The following RYR3 variants were observed in gnomAD, a reference collection of about 807,000 sequenced individuals.
RYR3 encodes the protein brain ryanodine receptor-calcium release channel.
A neutral mutation model predicts 584.3 loss-of-function variants in RYR3; 207 were observed. That is an observed-to-expected ratio of 0.35 (90% CI 0.32 to 0.40). The LOEUF is 0.40. Among genes scored for constraint, RYR3 ranks in the 10% least tolerant of loss-of-function variants. The pLI, the probability that RYR3 is intolerant of heterozygous loss-of-function variation, is 1.00. For synonymous variants in RYR3, 2,416 were observed against 2,248.5 expected, an observed-to-expected ratio of 1.07 and a Z score of -2.11; for missense variants, 5,616 against 6,089.2, an observed-to-expected ratio of 0.92 and a Z score of 2.59.
intron 1 of RYR3, among the ~76,000 whole-genome samples, chr15:33,366,147 C>T (rs1414891902): frequency 6.8e-6 from 1 of 146,614 alleles, no homozygotes; most frequent in East Asian, 2.0e-4. Context: ...CTGTTTTCTC[C>T]TGTTTCTGCA....
intron 38 of RYR3, among the ~76,000 whole-genome samples, chr15:33,684,847 G>C (rs1386873477): frequency 6.6e-6 from 1 of 152,148 alleles, no homozygotes; most frequent in African/African-American, 2.4e-5. Context: ...GCCAAACTAA[G>C]CTTCATAACT....
intron 3 of RYR3, among the ~76,000 whole-genome samples, chr15:33,503,996 A>G (rs1032475123): frequency 2.6e-5 from 4 of 152,128 alleles, no homozygotes; most frequent in Admixed American, 2.0e-4. Context: ...TGTTAAGCCT[A>G]CTCCCCTCTC....
At chr15:33,638,327 C>A (rs1226058597) in intron 27 of RYR3, among the ~76,000 whole-genome samples, 1 of 152,158 alleles carries the variant, frequency 6.6e-6, no homozygotes, top group East Asian at 1.9e-4. Context: ...GCAGTCCCCT[C>A]CCTCTGAGGC....
intron 11 of RYR3, among the ~76,000 whole-genome samples, chr15:33,564,177 C>A (rs930524623): frequency 6.6e-6 from 1 of 152,126 alleles, no homozygotes; most frequent in African/African-American, 2.4e-5. Context: ...TAGGTTCAGC[C>A]AGGGCTTCTG....
chr15:33,483,783 A>G (rs540958949), intron 2 of RYR3, among the ~76,000 whole-genome samples: 38 of 152,270 alleles, frequency 2.5e-4, no homozygotes, highest in African/African-American at 9.1e-4. Flanking sequence ...GGTTTTATTA[A>G]TCTATGGTGG....
chr15:33,421,847 A>G (rs925488090), intron 1 of RYR3, among the ~76,000 whole-genome samples: 2 of 152,208 alleles, frequency 1.3e-5, no homozygotes, highest in African/African-American at 4.8e-5. Flanking sequence ...GTAGAAGCAG[A>G]ACAAAGAAAA....
At chr15:33,469,613 T>C (rs549978518) in intron 1 of RYR3, among the ~76,000 whole-genome samples, 33 of 151,654 alleles carry the variant, frequency 2.2e-4, no homozygotes, top group African/African-American at 7.7e-4. Context: ...TTGGGGAATA[T>C]AAAAGGATAG....
chr15:33,604,762 T>C (rs986474609), intron 18 of RYR3, among the ~76,000 whole-genome samples: 1 of 152,166 alleles, frequency 6.6e-6, no homozygotes, highest in Non-Finnish European at 1.5e-5. Context: ...AGCCACTGAG[T>C]CTGTGGCTAT....
At position 33,700,982 on chromosome 15, in the gene RYR3, C is replaced by G. The variant is rs1359333966; in HGVS notation, c.6385C>G (p.Pro2129Ala). ...LENSSVGLAS[P>A]SMRGSTPLDV... Reference sequence around the variant, plus strand: ...ATTCTCCCCTCCTCCCTCAGCCTCCCCGTCGATGAGGGGATCCACCCCGCT... The same window carrying G: ...ATTCTCCCCTCCTCCCTCAGCCTCCGCGTCGATGAGGGGATCCACCCCGCT... The change falls in exon 42 of 104, where the codon CCG (proline) becomes GCG (alanine). Residue 2129 changes from proline to alanine, a missense_variant. Pro to Ala is a conservative substitution (Grantham distance 27). Coordinates refer to ENST00000634891, the MANE Select transcript of RYR3 (RefSeq NM_001036.6). 1.2e-6 allele frequency: 2 copies of G among 1,611,872 alleles called. No individual in the cohort carries two copies. The highest frequency in any genetic ancestry group is 2.2e-5 in the East Asian group (1 of 44,884).
Position 33,843,557 on chromosome 15 carries a change from A to C in RYR3, c.13279A>C (p.Ile4427Leu). 1 of 1,593,400 alleles carries C rather than the reference A, an allele frequency of 6.3e-7. No homozygotes were observed. The highest frequency in any genetic ancestry group is 8.6e-7 in the Non-Finnish European group (1 of 1,168,666). ...GTTTGTAGCCTTCGCTATCAACTTCATCCTGCTTTTTTATAAGGTGATACT... is the reference window on the plus strand; with the variant it reads ...GTTTGTAGCCTTCGCTATCAACTTCCTCCTGCTTTTTTATAAGGTGATACT... ...ALFVAFAINF[I>L]LLFYKVTEEP... The change falls in exon 92 of 104, where the codon ATC (isoleucine) becomes CTC (leucine). Residue 4427 changes from isoleucine to leucine, a missense_variant. By Grantham distance (5) the Ile-to-Leu change is conservative. Around this residue, in one of 9 missense-constraint regions of RYR3, gnomAD observed 918 missense variants for 887.4 expected, o/e 1.03. Transcript: ENST00000634891.
intron 38 of RYR3, among the ~76,000 whole-genome samples, chr15:33,678,440 G>T (rs111260080): frequency 3.3e-5 from 5 of 152,246 alleles, no homozygotes; most frequent in Non-Finnish European, 5.9e-5. Context: ...CACCACAATT[G>T]TAAGTTTTCT....
chr15:33,450,990 T>G (rs2047081132), intron 1 of RYR3, among the ~76,000 whole-genome samples: 1 of 152,142 alleles, frequency 6.6e-6, no homozygotes, highest in Non-Finnish European at 1.5e-5. Context: ...TGGAGACTCC[T>G]TGCAGCACCT....
rs2061508073 is a variant in RYR3 at position 33,636,542 on chromosome 15, T to C, written c.3548T>C (p.Ile1183Thr). The stretch of plus-strand genomic sequence containing the variant: ...GAACTTGCCTTCGCTGACTACGAGA[T>C]TGAGAATGGTAAATCTAACACCCTC... ...GSELAFADYE[I>T]ENGFVPICCL... The change falls in exon 27 of 104, where the codon ATT becomes ACT. Residue 1183 changes from isoleucine (I) to threonine (T), a missense_variant. Ile to Thr is a moderately conservative substitution (Grantham distance 89). This residue lies in a region of RYR3 where 152 missense variants were observed against 200.9 expected (regional missense o/e 0.76). Coordinates refer to ENST00000634891, the MANE Select transcript of RYR3 (RefSeq NM_001036.6). 1 of 1,587,666 alleles carries C rather than the reference T, an allele frequency of 6.3e-7. No individual in the cohort carries two copies. Among genetic ancestry groups the C allele is most frequent in the East Asian group, 2.2e-5 (1 of 44,696 alleles).
In RYR3 at chr15:33,660,346, G is replaced by C. The variant is rs774289253; in HGVS notation, c.4545G>C (p.Val1515=). The C allele has an allele frequency of 3.1e-6, 5 of 1,592,620 alleles. No individual in the cohort carries two copies. Among genetic ancestry groups the C allele is most frequent in the Non-Finnish European group, 2.6e-6 (3 of 1,170,012 alleles). Residue 1515 remains valine, a synonymous_variant, in exon 34 of 104, where the codon GTG becomes GTC. Coordinates refer to ENST00000634891, the MANE Select transcript of RYR3 (RefSeq NM_001036.6). ...TCCTGAAGGTGGAGACCGAGCGTGT[G>C]AGCGAGCGCCACGGCTGGGTGGTGC... is the stretch of plus-strand genomic sequence containing the variant. ...NSFLKVETER[V]SERHGWVVQC...
chr15:33,692,330 G>A (rs34543208), intron 38 of RYR3, among the ~76,000 whole-genome samples: 1 of 152,052 alleles, frequency 6.6e-6, no homozygotes, highest in Non-Finnish European at 1.5e-5. Flanking sequence ...AAGTTCATTG[G>A]TTGTGCCTGG....
chr15:33,619,803 G>A (rs866167363), intron 19 of RYR3, among the ~76,000 whole-genome samples: 1 of 152,126 alleles, frequency 6.6e-6, no homozygotes, highest in African/African-American at 2.4e-5. Flanking sequence ...TGAGACCCAG[G>A]GAGAGATGAC....
At chr15:33,800,055 G>A (rs899692520) in intron 67 of RYR3, among the ~76,000 whole-genome samples, 2 of 152,126 alleles carry the variant, frequency 1.3e-5, no homozygotes, top group Non-Finnish European at 2.9e-5. Context: ...TTAGAGAAAC[G>A]ACTGAATTCC....
chr15:33,668,300 G>A (rs946568033), intron 36 of RYR3, among the ~76,000 whole-genome samples: 4 of 152,042 alleles, frequency 2.6e-5, no homozygotes, highest in Admixed American at 2.6e-4. Flanking sequence ...CTGGGCAACA[G>A]AGCGAGACTC....
chr15:33,858,243 C>T (rs575534444), intron 99 of RYR3: 42 of 236,530 alleles, frequency 1.8e-4, no homozygotes, highest in South Asian at 2.3e-4. Context: ...TTGCTTTTGT[C>T]GCCCAGGCTG....
Sources: gnomAD v4.1 joint callset for allele counts (sites outside exome capture counted in the v4.1 genomes callset) on GRCh38, gnomAD v4.1.1 for gene constraint, gnomAD v4.1.1 regional missense constraint, MANE v1.5 for transcripts, NCBI Gene and HGNC (gene_info 2026-07-23, HGNC 2026-07-21) for gene names.